LHFPL2: variants seen among roughly 807,000 people sequenced by gnomAD.
LHFPL2 encodes LHFPL tetraspan subfamily member 2, also known as LHFPL tetraspan subfamily member 2 protein.
LHFPL2 carries 7 observed loss-of-function variants against 17.5 expected under a neutral mutation model. That is an observed-to-expected ratio of 0.40 (90% confidence interval 0.23 to 0.75). LHFPL2 has a LOEUF of 0.75. Ranked by LOEUF, LHFPL2 falls within the 30% of genes least tolerant of loss-of-function variation. LHFPL2 has a pLI of 0.37. For synonymous variants in LHFPL2, 134 were observed against 116.2 expected (o/e 1.15, Z -0.99); for missense variants, 241 against 294.8 (o/e 0.82, Z 1.34).
intron 2 of LHFPL2, among the ~76,000 whole-genome samples, chr5:78,627,218 C>T (rs1445798758): frequency 1.3e-5 from 2 of 152,116 alleles, no homozygotes; most frequent in East Asian, 1.9e-4. Context: ...AAAGGCTGAG[C>T]CCCAGCAAGA....
At chr5:78,564,379 C>T in intron 3 of LHFPL2, among the ~76,000 whole-genome samples, 1 of 152,200 alleles carries the variant, frequency 6.6e-6, no homozygotes, top group Non-Finnish European at 1.5e-5. Flanking sequence ...TTTATTCCCA[C>T]AAGCCTTCCA....
intron 2 of LHFPL2, among the ~76,000 whole-genome samples, chr5:78,578,921 C>T (rs563817622): frequency 2.6e-5 from 4 of 152,298 alleles, no homozygotes; most frequent in South Asian, 2.1e-4. Flanking sequence ...GGCTCAGAGA[C>T]GCCAACCAAG....
intron 2 of LHFPL2, among the ~76,000 whole-genome samples, chr5:78,603,537 T>C (rs1744100885): frequency 1.3e-5 from 2 of 152,146 alleles, no homozygotes; most frequent in African/African-American, 4.8e-5. Flanking sequence ...TTTGGAGAAA[T>C]ATATCCGCAG....
chr5:78,488,399 T>TATAA lies in LHFPL2; in HGVS notation c.*497_*498insTTAT, dbSNP rs1463652869. On this transcript the variant is annotated 3_prime_UTR_variant, in exon 5 of 5. Transcript: ENST00000380345. ...AAAGACAGTGTCTTGCTGTGCCCTT[T>TATAA]AGCACACATCCTGTCCCCAGTAAGT... The TATAA allele has an allele frequency of 5.4e-6, 1 of 186,110 alleles. No individual in the cohort carries two copies. The highest frequency in any genetic ancestry group is 1.1e-5 in the Non-Finnish European group (1 of 87,000). 11.5% of individuals were successfully genotyped at this position (186,110 alleles called of 1,614,324 possible).
chr5:78,511,059 G>T (rs375698834), intron 3 of LHFPL2, among the ~76,000 whole-genome samples: 1 of 151,874 alleles, frequency 6.6e-6, no homozygotes, highest in African/African-American at 2.4e-5. Flanking sequence ...TTTTTCACAG[G>T]GTGATTTTTA....
intron 2 of LHFPL2, among the ~76,000 whole-genome samples, chr5:78,632,021 CAGAAG>C (rs1208138003): frequency 6.6e-6 from 1 of 151,298 alleles, no homozygotes; most frequent in African/African-American, 2.4e-5. Context: ...CTGACCTAAA[CAGAAG>C]AGAAAAGGGT....
chr5:78,546,650 C>T (rs1756284961), intron 3 of LHFPL2, among the ~76,000 whole-genome samples: 1 of 152,240 alleles, frequency 6.6e-6, no homozygotes, highest in Non-Finnish European at 1.5e-5. Context: ...CTGGCAGAAT[C>T]ACCTGCACAT....
intron 4 of LHFPL2, among the ~76,000 whole-genome samples, chr5:78,506,378 G>A (rs1754931247): frequency 6.6e-6 from 1 of 152,158 alleles, no homozygotes; most frequent in Admixed American, 6.5e-5. Context: ...TATTTCTAAA[G>A]AATCCTTTTG....
At chr5:78,571,278 T>C (rs540689811) in intron 2 of LHFPL2, among the ~76,000 whole-genome samples, 17 of 152,294 alleles carry the variant, frequency 1.1e-4, no homozygotes, top group African/African-American at 3.9e-4. Context: ...AAACCTCAGA[T>C]TTGAGGCCCA....
chr5:78,639,943 A>C (rs1054433985), intron 1 of LHFPL2, among the ~76,000 whole-genome samples: 7 of 152,240 alleles, frequency 4.6e-5, no homozygotes, highest in African/African-American at 1.7e-4. Flanking sequence ...CAACTGGCTA[A>C]ATGCCTTAAA....
At chr5:78,513,784 C>T (rs61651639) in intron 3 of LHFPL2, among the ~76,000 whole-genome samples, 41,362 of 152,086 alleles carry the variant, frequency 0.27, 5,848 homozygotes, top group East Asian at 0.46. Flanking sequence ...ACATGCCTTT[C>T]ACCTTCAGCC....
rs1554061995 is a variant in LHFPL2, at chr5:78,641,926, C to CACACACATAA, written c.-350+6572_-350+6573insTTATGTGTGT. The CACACACATAA allele has an allele frequency of 1.3e-5, 2 of 151,776 alleles. 1 individual carries two copies. Among genetic ancestry groups the CACACACATAA allele is most frequent in the Admixed American group, 1.3e-4 (2 of 15,220 alleles). The allele number at this position is 151,776 out of a possible 1,614,324, so 9.4% of individuals were successfully genotyped here. A position where few individuals can be genotyped will look rare whatever the true frequency, so the allele number is the denominator to read the frequency against. Reference sequence around the variant, plus strand: ...CAGTATACACACACACACACACACACACACACACACACATATATGCTCAAG... The same window carrying CACACACATAA: ...CAGTATACACACACACACACACACACACACACATAAACACACACACACATATATGCTCAAG... On this transcript the variant is annotated intron_variant, in intron 1 of 4. Transcript: ENST00000380345.
intron 2 of LHFPL2, among the ~76,000 whole-genome samples, chr5:78,582,488 T>C (rs1743184168): frequency 6.6e-6 from 1 of 151,590 alleles, no homozygotes; most frequent in Non-Finnish European, 1.5e-5. Flanking sequence ...ATGTTGTGTC[T>C]TTGTTCTCGT....
chr5:78,567,806 T>G (rs1351827951), intron 2 of LHFPL2, among the ~76,000 whole-genome samples: 1 of 152,040 alleles, frequency 6.6e-6, no homozygotes, highest in Non-Finnish European at 1.5e-5. Flanking sequence ...GAGAGAAAAT[T>G]TTGGCCGCAT....
intron 3 of LHFPL2, among the ~76,000 whole-genome samples, chr5:78,518,545 G>GA (rs1462477616): frequency 6.6e-6 from 1 of 152,212 alleles, no homozygotes; most frequent in African/African-American, 2.4e-5. Flanking sequence ...CTCCTCAGGG[G>GA]AACGTGAGCT....
Position 78,580,755 on chromosome 5 carries a change from T to A in LHFPL2, c.-244-15884A>T, listed in dbSNP as rs1224690909. 2.6e-5 allele frequency among the ~76,000 whole-genome samples: 4 copies of A among 152,294 alleles called. No individual in the cohort carries two copies. In the South Asian group the frequency reaches 8.3e-4, roughly 32 times the overall value. ...TGCTGTTTTGGTTACTGTAGCCTTG[T>A]AGTATAGTTTGAAGTCAGGTAGTGT... On this transcript the variant is annotated intron_variant, in intron 2 of 4. Transcript: ENST00000380345.
chr5:78,642,258 G>T (rs1160903177), intron 1 of LHFPL2: 1 of 152,140 alleles, frequency 6.6e-6, no homozygotes, highest in Non-Finnish European at 1.5e-5. Context: ...CACATAGCGG[G>T]TTAGGGCTTC....
At chr5:78,500,786 C>T (rs1754749526) in intron 4 of LHFPL2, among the ~76,000 whole-genome samples, 1 of 152,126 alleles carries the variant, frequency 6.6e-6, no homozygotes, top group South Asian at 2.1e-4. Context: ...TTTTCAAAGT[C>T]CAAGCAGAAT....
intron 2 of LHFPL2, among the ~76,000 whole-genome samples, chr5:78,580,703 A>G (rs565227830): frequency 3.3e-5 from 5 of 152,128 alleles, no homozygotes; most frequent in African/African-American, 4.8e-5. Context: ...CCATCGGTCT[A>G]TTATCTCTGT....
Sources: allele counts gnomAD v4.1 joint callset (sites outside exome capture counted in the v4.1 genomes callset), GRCh38; gene constraint gnomAD v4.1.1; transcripts MANE v1.5; gene names NCBI Gene and HGNC (gene_info 2026-07-23, HGNC 2026-07-21).